MFRP: variants seen among roughly 807,000 people sequenced by gnomAD.
The protein encoded by MFRP is membrane frizzled-related protein.
In MFRP, 74 loss-of-function variants were observed where a neutral mutation model predicts 65.8. That is an observed-to-expected ratio of 1.12 (90% CI 0.93 to 1.36). The LOEUF (loss-of-function observed/expected upper bound fraction) is 1.36. Ranked by LOEUF, MFRP falls within the 40% of genes most tolerant of loss-of-function variation. MFRP has a pLI of 0.00. For synonymous variants in MFRP, 336 were observed against 288.3 expected (o/e 1.17, Z -1.68); for missense variants, 838 against 736.0 (o/e 1.14, Z -1.60).
rs1436271797 is a variant in MFRP at position 119,340,739 on chromosome 11, C to G, written c.*809G>C. On this transcript the variant is annotated 3_prime_UTR_variant, in exon 13 of 15. Transcript: ENST00000619721. ...ATGGCCTCCTTCGGGGCGCTCGCTACTCCGGACCCTCCAGTTGGTGGTGCT... is the reference window on the plus strand; with the variant it reads ...ATGGCCTCCTTCGGGGCGCTCGCTAGTCCGGACCCTCCAGTTGGTGGTGCT... 1 of 343,016 alleles carries G rather than the reference C, an allele frequency of 2.9e-6. No homozygotes were observed. Among genetic ancestry groups the G allele is most frequent in the Non-Finnish European group, 5.4e-6 (1 of 185,504 alleles). 21.2% of individuals were successfully genotyped at this position (343,016 alleles called of 1,614,324 possible).
intron 5 of MFRP, 132 bp downstream of exon 5, chr11:119,345,288 G>T: frequency 1.1e-6 from 1 of 930,978 alleles, no homozygotes; most frequent in Non-Finnish European, 1.7e-6. Context: ...CAAGGTGGTG[G>T]CAGAGCTGGG....
chr11:119,342,532 G>C (rs1487194905), intron 11 of MFRP, 64 bp downstream of exon 11: 2 of 1,596,872 alleles, frequency 1.3e-6, no homozygotes, highest in African/African-American at 1.3e-5. Flanking sequence ...TGTGCAGTAC[G>C]GCAGTAGGGT....
At position 119,345,812 on chromosome 11, in the gene MFRP, C is replaced by T. The variant is rs372413718; in HGVS notation, c.388G>A (p.Gly130Arg). The T allele has an allele frequency of 5.6e-6, 9 of 1,613,912 alleles. No homozygotes were observed. The African/African-American group carries it at 6.7e-5, about 12-fold the overall frequency. ...GGGCTCACGCCTGACTCCTGCTGCC[C>T]TTTAGGGGTCCCAGCTGCCTGAGAG... is the stretch of plus-strand genomic sequence containing the variant. ...TTSQAAGTPK[G>R]QQESGVSPSP... The change falls in exon 4 of 15, where the codon GGG becomes AGG. Residue 130 changes from glycine (G) to arginine (R), a missense_variant. Coordinates refer to ENST00000619721, the MANE Select transcript of MFRP (RefSeq NM_031433.4).
chr11:119,345,937 G>A lies in MFRP; in HGVS notation c.272-9C>T, dbSNP rs376343663. ...GGGTGCAGCCTGCAGCTCTGGAGGC[G>A]AGAAGATGGAGGGTGGCGTTCAGAG... On this transcript the variant is annotated splice_polypyrimidine_tract_variant and intron_variant, in intron 3 of 14. Transcript: ENST00000619721. 35 of 1,613,756 alleles carry A rather than the reference G, an allele frequency of 2.2e-5. No individual in the cohort carries two copies. Among genetic ancestry groups the A allele is most frequent in the African/African-American group, 1.2e-4 (9 of 75,028 alleles).
At position 119,342,703 on chromosome 11, in the gene MFRP, G is replaced by T; in HGVS notation, c.1280C>A (p.Ser427Tyr). 1 of 1,613,668 alleles carries T rather than the reference G, an allele frequency of 6.2e-7. No homozygotes were observed. The highest frequency in any genetic ancestry group is 8.5e-7 in the Non-Finnish European group (1 of 1,179,952). ...TENPCGPSEL[S>Y]CQAGGCKGVQ... is the part of the protein sequence containing the mutation. ...ACCCTTACACCCTCCTGCCTGGCAGGAGAGCTCACTGGGCCCACAGGGGTC... is the reference window on the plus strand; with the variant it reads ...ACCCTTACACCCTCCTGCCTGGCAGTAGAGCTCACTGGGCCCACAGGGGTC... Residue 427 changes from serine to tyrosine, a missense_variant, in exon 11 of 15, where the codon TCC becomes TAC. Physicochemically the swap from Ser to Tyr is moderately radical, Grantham distance 144. Coordinates refer to ENST00000619721, the MANE Select transcript of MFRP (RefSeq NM_031433.4).
At chr11:119,345,995 C>T (rs750919964) in intron 3 of MFRP, 51 bp downstream of exon 3, 13 of 1,613,014 alleles carry the variant, frequency 8.1e-6, no homozygotes, top group Non-Finnish European at 1.1e-5. Flanking sequence ...GAGAGCGGCT[C>T]ATGGAGTTTC....
In MFRP at chr11:119,341,690, C is replaced by T. The variant is rs1208934402; in HGVS notation, c.1598G>A (p.Ser533Asn). 1.2e-6 allele frequency: 2 copies of T among 1,613,030 alleles called. No homozygotes were observed. Among genetic ancestry groups the T allele is most frequent in the African/African-American group, 2.7e-5 (2 of 74,942 alleles). ...GACAGAGCGGCAAGGGGGCAGAACA[C>T]TGCCTAGTGGGGTGCAACGGGGCAC... The part of the protein sequence containing the change: ...LLVPRCTPLG[S>N]VLPPCRSVCQ... The change falls in exon 13 of 15, where the codon AGT (serine) becomes AAT (asparagine). Residue 533 changes from serine to asparagine, a missense_variant. Ser to Asn is a conservative substitution (Grantham distance 46, BLOSUM62 1). Coordinates refer to ENST00000619721, the MANE Select transcript of MFRP (RefSeq NM_031433.4).
Position 119,345,503 on chromosome 11 carries a change from G to A in MFRP, c.558C>T (p.Ile186=), listed in dbSNP as rs200027112. The change falls in exon 5 of 15, where the codon ATC becomes ATT. Residue 186 remains isoleucine, a synonymous_variant. Coordinates refer to ENST00000619721, the MANE Select transcript of MFRP (RefSeq NM_031433.4). ...CCACACTCTCTATGCTGAGGGCTTC[G>A]ATCTTGAGCTGTATTGCATGGTCTG... is the stretch of plus-strand genomic sequence containing the variant. ...VATDHAIQLK[I]EALSIESVAS... 55 of 1,614,108 alleles carry A rather than the reference G, an allele frequency of 3.4e-5. No homozygotes were observed. The highest frequency in any genetic ancestry group is 2.0e-4 in the East Asian group (9 of 44,870).
chr11:119,339,436 C>G lies in MFRP; in HGVS notation c.*1523G>C, dbSNP rs748636086. The G allele has an allele frequency of 1.4e-5, 23 of 1,613,938 alleles. No individual in the cohort carries two copies. The highest frequency in any genetic ancestry group is 1.8e-5 in the Non-Finnish European group (21 of 1,179,974). On this transcript the variant is annotated 3_prime_UTR_variant, in exon 15 of 15. Coordinates refer to ENST00000619721, the MANE Select transcript of MFRP (RefSeq NM_031433.4). The surrounding 1 kb of genome is among the most constrained non-coding windows in gnomAD (Gnocchi z 5.4). ...AGATGCCAATGTAGTCACCCACACC[C>G]ACCTGCACCCACACTTGGTCCTCAG...
Position 119,344,724 on chromosome 11 carries a change from T to C in MFRP, c.806A>G (p.Gln269Arg). 6.2e-7 allele frequency: 1 copy of C among 1,614,004 alleles called. No individual in the cohort carries two copies. The highest frequency in any genetic ancestry group is 8.5e-7 in the Non-Finnish European group (1 of 1,179,990). Reference sequence around the variant, plus strand: ...TGAGTCAGGTAGCAGGCAGATGAGCTGGTCACAGCGGAACTCATCATGGGC... The same window carrying C: ...TGAGTCAGGTAGCAGGCAGATGAGCCGGTCACAGCGGAACTCATCATGGGC... The part of the protein sequence containing the change: ...SCAHDEFRCD[Q>R]LICLLPDSVC... The change falls in exon 7 of 15, where the codon CAG becomes CGG. Residue 269 changes from glutamine (Q) to arginine (R), a missense_variant. Physicochemically the swap from Gln to Arg is conservative, Grantham distance 43. Transcript: ENST00000619721.
chr11:119,344,518 A>C, intron 7 of MFRP, 114 bp downstream of exon 7: 1 of 1,589,660 alleles, frequency 6.3e-7, no homozygotes, highest in Non-Finnish European at 8.6e-7. Context: ...CCAAAGAATG[A>C]CTGAGCAGGA....
In MFRP at chr11:119,340,719, C is replaced by T. The variant is rs886047822; in HGVS notation, c.*829G>A. 5.0e-6 allele frequency: 2 copies of T among 397,002 alleles called. No homozygotes were observed. The highest frequency in any genetic ancestry group is 9.2e-6 in the Non-Finnish European group (2 of 217,870). The allele number at this position is 397,002 out of a possible 1,614,324, so 24.6% of individuals were successfully genotyped here. A position where few individuals can be genotyped will look rare whatever the true frequency, so the allele number is the denominator to read the frequency against. ...CCCCCCCTCCCGGCTCCCCGATGGC[C>T]TCCTTCGGGGCGCTCGCTACTCCGG... On this transcript the variant is annotated 3_prime_UTR_variant, in exon 13 of 15. Transcript: ENST00000619721.
chr11:119,346,307 T>C lies in MFRP; in HGVS notation c.122A>G (p.Glu41Gly). 6 of 1,613,862 alleles carry C rather than the reference T, an allele frequency of 3.7e-6. No homozygotes were observed. Among genetic ancestry groups the C allele is most frequent in the Non-Finnish European group, 5.1e-6 (6 of 1,179,962 alleles). Reference sequence around the variant, plus strand: ...AGCTGGGACGCTGTAGCTGGCATCCTCTGGGAAAACTGGGGGAGGGCAGGG... The same window carrying C: ...AGCTGGGACGCTGTAGCTGGCATCCCCTGGGAAAACTGGGGGAGGGCAGGG... Reference protein sequence around the residue: ...GPPCPPPVFPEDASYSVPAPW... With the variant: ...GPPCPPPVFPGDASYSVPAPW... Residue 41 changes from glutamate to glycine, a missense_variant, in exon 2 of 15, where the codon GAG (glutamate) becomes GGG (glycine). Transcript: ENST00000619721.
rs372413718 is a variant in MFRP, at chr11:119,345,812, C to A, written c.388G>T (p.Gly130Trp). The change falls in exon 4 of 15, where the codon GGG (glycine) becomes TGG (tryptophan). Residue 130 changes from glycine (G) to tryptophan (W), a missense_variant. Coordinates refer to ENST00000619721, the MANE Select transcript of MFRP (RefSeq NM_031433.4). ...TTSQAAGTPKGQQESGVSPSP... is the reference protein window; with the variant it reads ...TTSQAAGTPKWQQESGVSPSP... ...GGGCTCACGCCTGACTCCTGCTGCC[C>A]TTTAGGGGTCCCAGCTGCCTGAGAG... 1.2e-6 allele frequency: 2 copies of A among 1,613,792 alleles called. No individual in the cohort carries two copies. The highest frequency in any genetic ancestry group is 1.3e-5 in the African/African-American group (1 of 74,922).
Position 119,339,222 on chromosome 11 carries a change from C to G in MFRP, c.*1737G>C. On this transcript the variant is annotated 3_prime_UTR_variant, in exon 15 of 15. Transcript: ENST00000619721. This position sits in a 1 kb window ranked among gnomAD's most constrained non-coding sequence, Gnocchi z 5.4. Reference sequence around the variant, plus strand: ...GACGGAGAGTGCTCTACCCCACCTCCCTAGTCATTCACAATATTCCAGGGG... The same window carrying G: ...GACGGAGAGTGCTCTACCCCACCTCGCTAGTCATTCACAATATTCCAGGGG... 1 of 1,277,144 alleles carries G rather than the reference C, an allele frequency of 7.8e-7. No homozygotes were observed. Among genetic ancestry groups the G allele is most frequent in the Non-Finnish European group, 1.1e-6 (1 of 919,504 alleles). The allele number at this position is 1,277,144 out of a possible 1,614,324, so 79.1% of individuals were successfully genotyped here.
In MFRP at chr11:119,344,864, A is replaced by G. The variant is rs1169162740; in HGVS notation, c.772+10T>C. ...GTGGACACTCAACAGGCAGGTGGGA[A>G]CACACTCACCGCGCCCAGGGGCCAT... On this transcript the variant is annotated intron_variant, in intron 6 of 14. Coordinates refer to ENST00000619721, the MANE Select transcript of MFRP (RefSeq NM_031433.4). 3 of 1,613,202 alleles carry G rather than the reference A, an allele frequency of 1.9e-6. No individual in the cohort carries two copies. Among genetic ancestry groups the G allele is most frequent in the East Asian group, 4.5e-5 (2 of 44,882 alleles).
chr11:119,342,428 G>C (rs1250347768), intron 11 of MFRP, among the ~76,000 whole-genome samples, 168 bp downstream of exon 11: 4 of 152,176 alleles, frequency 2.6e-5, no homozygotes, highest in Non-Finnish European at 5.9e-5. Flanking sequence ...GCCACCACCA[G>C]CCGACTGTCT....
chr11:119,343,977 A>G lies in MFRP; in HGVS notation c.976-13T>C. The G allele has an allele frequency of 1.2e-6, 2 of 1,609,654 alleles. No homozygotes were observed. Among genetic ancestry groups the G allele is most frequent in the South Asian group, 1.1e-5 (1 of 90,986 alleles). ...GCCAGGTGCAGAGCTGGGGGAGGGC[A>G]TAGGTGGAGCAATTCATGGCCCCTT... On this transcript the variant is annotated splice_polypyrimidine_tract_variant and intron_variant, in intron 8 of 14. Coordinates refer to ENST00000619721, the MANE Select transcript of MFRP (RefSeq NM_031433.4).
intron 8 of MFRP, 114 bp from the exon 9 acceptor site, chr11:119,344,078 T>A: frequency 7.2e-7 from 1 of 1,388,108 alleles, no homozygotes; most frequent in South Asian, 1.2e-5. Context: ...GGTGCTTTCA[T>A]CATTGGTGGT....
Sources: allele counts gnomAD v4.1 joint callset (sites outside exome capture counted in the v4.1 genomes callset), GRCh38; gene constraint gnomAD v4.1.1; non-coding constraint Gnocchi (gnomAD v3.1); transcripts MANE v1.5; gene names NCBI Gene and HGNC (gene_info 2026-07-23, HGNC 2026-07-21).